CTNNA2: variants seen among roughly 807,000 people sequenced by gnomAD.
CTNNA2 encodes the protein catenin alpha 2.
Under a neutral mutation model 101.0 loss-of-function variants are expected in CTNNA2, and 42 were observed. The ratio of observed to expected loss-of-function variants is 0.42; its 90% confidence interval spans 0.32 to 0.54. The LOEUF (loss-of-function observed/expected upper bound fraction) is 0.54, where lower values mean the gene tolerates loss of function less well. Among genes scored for constraint, CTNNA2 ranks in the 20% least tolerant of loss-of-function variants. The pLI, the probability that CTNNA2 is intolerant of heterozygous loss-of-function variation, is 0.14. For missense variants in CTNNA2, 871 were observed against 1,223.1 expected (o/e 0.71, Z 4.29); for synonymous variants, 450 against 456.4 (o/e 0.99, Z 0.18).
intron 17 of CTNNA2, among the ~76,000 whole-genome samples, chr2:80,614,305 A>G (rs976512024): frequency 1.6e-4 from 24 of 151,664 alleles, no homozygotes; most frequent in South Asian, 8.3e-4. Flanking sequence ...AAGTAACAAT[A>G]CAGCAATAAA....
At chr2:80,226,044 A>G (rs1708869627) in intron 7 of CTNNA2, among the ~76,000 whole-genome samples, 1 of 152,218 alleles carries the variant, frequency 6.6e-6, no homozygotes, top group Non-Finnish European at 1.5e-5. Context: ...CCCAATATTA[A>G]GTTCCTCCAA....
intron 2 of CTNNA2, among the ~76,000 whole-genome samples, chr2:79,699,402 G>C (rs1684845298): frequency 6.6e-6 from 1 of 151,942 alleles, no homozygotes; most frequent in African/African-American, 2.4e-5. Flanking sequence ...TGATAGATAA[G>C]TGGATATGTT....
intron 3 of CTNNA2, among the ~76,000 whole-genome samples, chr2:79,334,155 A>G (rs2104421183): frequency 6.6e-6 from 1 of 152,316 alleles, no homozygotes. Context: ...TAGTCACTCT[A>G]TAGCGCTGCA....
At chr2:80,610,132 A>G (rs967292400) in intron 17 of CTNNA2, among the ~76,000 whole-genome samples, 10 of 151,678 alleles carry the variant, frequency 6.6e-5, no homozygotes, top group African/African-American at 1.9e-4. Flanking sequence ...AATATTTGCT[A>G]TATATGCTCT....
chr2:79,907,451 C>G (rs999544374), intron 6 of CTNNA2, among the ~76,000 whole-genome samples: 6 of 151,974 alleles, frequency 3.9e-5, no homozygotes, highest in Admixed American at 3.9e-4. Context: ...AATGGATGCC[C>G]CTGGAAAGAG....
At chr2:79,640,094 AC>A (rs1356136839) in intron 1 of CTNNA2, among the ~76,000 whole-genome samples, 2 of 152,252 alleles carry the variant, frequency 1.3e-5, no homozygotes, top group South Asian at 2.1e-4. Flanking sequence ...ATTAGAAGGC[AC>A]AAAACTTAGG....
chr2:80,596,786 C>T (rs527759820), intron 15 of CTNNA2, among the ~76,000 whole-genome samples: 3 of 151,890 alleles, frequency 2.0e-5, no homozygotes, highest in East Asian at 1.9e-4. Flanking sequence ...GTCTTGTGTC[C>T]GGTTTTCAAA....
chr2:80,286,586 G>A (rs1674786013), intron 7 of CTNNA2, among the ~76,000 whole-genome samples: 1 of 152,138 alleles, frequency 6.6e-6, no homozygotes, highest in South Asian at 2.1e-4. Context: ...CATTTGCTGG[G>A]CTGCCTCCAT....
intron 3 of CTNNA2, among the ~76,000 whole-genome samples, chr2:79,373,416 G>T (rs2861783): frequency 0.81 from 123,359 of 151,842 alleles, 50,600 homozygotes; most frequent in African/African-American, 0.91. Context: ...ACTATTAAAC[G>T]TAGTGATTCA....
chr2:80,258,717 C>T (rs540539645), intron 7 of CTNNA2, among the ~76,000 whole-genome samples: 4 of 152,200 alleles, frequency 2.6e-5, no homozygotes, highest in Admixed American at 1.3e-4. Context: ...AAACCATAAC[C>T]GGCAGGGAAG....
intron 7 of CTNNA2, among the ~76,000 whole-genome samples, chr2:80,060,354 A>T (rs909415785): frequency 6.6e-6 from 1 of 152,194 alleles, no homozygotes; most frequent in Non-Finnish European, 1.5e-5. Flanking sequence ...CTGAGGTGGC[A>T]GCGGTTCTGG....
chr2:79,674,194 C>T (rs1226977258), intron 2 of CTNNA2, among the ~76,000 whole-genome samples: 1 of 152,114 alleles, frequency 6.6e-6, no homozygotes, highest in African/African-American at 2.4e-5. Context: ...TAAATATGAG[C>T]CCTAGACTTC....
chr2:79,428,520 G>C (rs1678616683), intron 4 of CTNNA2, among the ~76,000 whole-genome samples: 1 of 151,964 alleles, frequency 6.6e-6, no homozygotes, highest in Non-Finnish European at 1.5e-5. Flanking sequence ...TTCTGTCCTG[G>C]GGCCGCTGAC....
chr2:80,077,511 G>T (rs1221602025), intron 7 of CTNNA2, among the ~76,000 whole-genome samples: 1 of 151,680 alleles, frequency 6.6e-6, no homozygotes, highest in African/African-American at 2.4e-5. Flanking sequence ...CACTTTGGGA[G>T]GCCAAGGCAG....
At chr2:79,218,352 T>TGTGTGTGTC (rs1491322056) in intron 2 of CTNNA2, among the ~76,000 whole-genome samples, 1 of 82,626 alleles carries the variant, frequency 1.2e-5, no homozygotes, top group African/African-American at 5.6e-5. Context: ...TGTGTGTGTA[T>TGTGTGTGTC]TTTTTTTTTT....
chr2:79,533,751 CT>C (rs1672888328), intron 1 of CTNNA2, among the ~76,000 whole-genome samples: 2 of 152,044 alleles, frequency 1.3e-5, no homozygotes, highest in South Asian at 4.1e-4. Context: ...AAACGACTTG[CT>C]TTTTCTTCTA....
intron 4 of CTNNA2, among the ~76,000 whole-genome samples, chr2:79,496,204 A>T (rs1277938890): frequency 6.6e-6 from 1 of 152,176 alleles, no homozygotes; most frequent in African/African-American, 2.4e-5. Flanking sequence ...CTACCAAAAA[A>T]ATTTAGCAAT....
At chr2:79,870,908 A>G (rs1231981002) in intron 5 of CTNNA2, among the ~76,000 whole-genome samples, 1 of 152,104 alleles carries the variant, frequency 6.6e-6, no homozygotes, top group Non-Finnish European at 1.5e-5. Flanking sequence ...TTTACAATTC[A>G]AGATGAGATT....
At chr2:79,316,389 T>C (rs1676497938) in intron 3 of CTNNA2, among the ~76,000 whole-genome samples, 1 of 152,072 alleles carries the variant, frequency 6.6e-6, no homozygotes, top group Non-Finnish European at 1.5e-5. Context: ...TTTTCTCTTA[T>C]TCAAGACTGT....
Sources: allele counts gnomAD v4.1 joint callset (sites outside exome capture counted in the v4.1 genomes callset), GRCh38; gene constraint gnomAD v4.1.1; transcripts MANE v1.5; gene names NCBI Gene and HGNC (gene_info 2026-07-23, HGNC 2026-07-21).